Variants in ANKRD12 observed in about 807,000 individuals in gnomAD.
ANKRD12 encodes the protein ankyrin repeat domain 12, also known as ankyrin repeat domain-containing protein 12.
A neutral mutation model predicts 183.4 loss-of-function variants in ANKRD12; 85 were observed. That is an observed-to-expected ratio of 0.46 (90% CI 0.39 to 0.56). The LOEUF is 0.56. ANKRD12 is among the 20% of genes least tolerant of loss of function. The pLI, the probability that ANKRD12 is intolerant of heterozygous loss-of-function variation, is 0.00. For missense variants in ANKRD12, 2,405 were observed against 2,357.1 expected (o/e 1.02, Z -0.42); for synonymous variants, 914 against 800.2 (o/e 1.14, Z -2.40).
chr18:9,144,587 T>C (rs1207192307), intron 1 of ANKRD12, among the ~76,000 whole-genome samples: 2 of 152,198 alleles, frequency 1.3e-5, no homozygotes, highest in Non-Finnish European at 2.9e-5. Context: ...CATTATGAAG[T>C]GCTAATAGAC....
chr18:9,208,886 T>C, intron 5 of ANKRD12, 83 bp downstream of exon 5: 1 of 1,260,314 alleles, frequency 7.9e-7, no homozygotes, highest in Non-Finnish European at 1.1e-6. Flanking sequence ...TTATTTTAAC[T>C]ACTTTTAATT....
At chr18:9,217,830 T>C (rs1423216775) in intron 7 of ANKRD12, among the ~76,000 whole-genome samples, 1 of 152,198 alleles carries the variant, frequency 6.6e-6, no homozygotes, top group Non-Finnish European at 1.5e-5. Context: ...TTTTCTGTTA[T>C]TTACTCTGGA....
At chr18:9,271,018 T>G (rs1002253743) in intron 10 of ANKRD12, among the ~76,000 whole-genome samples, 11 of 152,272 alleles carry the variant, frequency 7.2e-5, no homozygotes, top group Non-Finnish European at 1.3e-4. Flanking sequence ...CATAGAAGTA[T>G]CTCTACGCAG....
Position 9,256,233 on chromosome 18 carries a change from G to A in ANKRD12, c.2966G>A (p.Gly989Asp), listed in dbSNP as rs755422518. 1.3e-6 allele frequency: 2 copies of A among 1,599,590 alleles called. No homozygotes were observed. Among genetic ancestry groups the A allele is most frequent in the East Asian group, 4.5e-5 (2 of 44,570 alleles). Residue 989 changes from glycine (G) to aspartate (D), a missense_variant, in exon 9 of 13, where the codon GGT becomes GAT. Gly to Asp is a moderately conservative substitution (Grantham distance 94). Transcript: ENST00000262126. ...GAAAAAAAATCAAGTATAGTAGACG[G>A]TAATAAAGCACAACATGAAAAACCC... ...QEEKKSSIVD[G>D]NKAQHEKPLS...
chr18:9,137,678 TTC>T (rs1426163529), intron 1 of ANKRD12: 1 of 152,230 alleles, frequency 6.6e-6, no homozygotes, highest in Non-Finnish European at 1.5e-5. Context: ...CACTCTACAG[TTC>T]TGTCTTAAAT....
At chr18:9,168,299 A>T (rs1598436380) in intron 1 of ANKRD12, among the ~76,000 whole-genome samples, 1 of 152,170 alleles carries the variant, frequency 6.6e-6, no homozygotes, top group South Asian at 2.1e-4. Context: ...GATTGGTATC[A>T]GCTCCTCCTT....
At position 9,256,163 on chromosome 18, in the gene ANKRD12, G is replaced by A; in HGVS notation, c.2896G>A (p.Asp966Asn). ...RELDKKEKSRDKESINITNSK... is the reference protein window; with the variant it reads ...RELDKKEKSRNKESINITNSK... ...GCTAGATAAAAAGGAAAAATCTAGAGATAAAGAAAGTATAAATATAACTAA... is the reference window on the plus strand; with the variant it reads ...GCTAGATAAAAAGGAAAAATCTAGAAATAAAGAAAGTATAAATATAACTAA... The change falls in exon 9 of 13, where the codon GAT (aspartate) becomes AAT (asparagine). Residue 966 changes from aspartate (D) to asparagine (N), a missense_variant. Transcript: ENST00000262126. 1 of 1,558,858 alleles carries A rather than the reference G, an allele frequency of 6.4e-7. No individual in the cohort carries two copies. Among genetic ancestry groups the A allele is most frequent in the Non-Finnish European group, 8.6e-7 (1 of 1,162,690 alleles).
At chr18:9,263,339 A>ATTAAATGTAACACTCAGGACTT in intron 9 of ANKRD12, among the ~76,000 whole-genome samples, 1 of 152,358 alleles carries the variant, frequency 6.6e-6, no homozygotes, top group South Asian at 2.1e-4. Context: ...TTATAAAAGA[A>ATTAAATGTAACACTCAGGACTT]TTAAATGTAA....
rs186053977 is a variant in ANKRD12, at chr18:9,203,028, A to G, written c.236-1448A>G. ...TGCTTTCAATAATTCATTTAATCCAATTGGCACAATTTAATGTTTGCTGGT... is the reference window on the plus strand; with the variant it reads ...TGCTTTCAATAATTCATTTAATCCAGTTGGCACAATTTAATGTTTGCTGGT... On this transcript the variant is annotated intron_variant, in intron 3 of 12. Coordinates refer to ENST00000262126, the MANE Select transcript of ANKRD12 (RefSeq NM_015208.5). Among the ~76,000 whole-genome samples, 214 of 152,334 alleles carry G rather than the reference A, an allele frequency of 1.4e-3. 2 individuals carry two copies. Among genetic ancestry groups the G allele is most frequent in the African/African-American group, 4.9e-3 (202 of 41,574 alleles).
chr18:9,185,644 G>C (rs768894350), intron 2 of ANKRD12, among the ~76,000 whole-genome samples: 4 of 152,194 alleles, frequency 2.6e-5, no homozygotes, highest in Non-Finnish European at 5.9e-5. Context: ...AGAAAGTATG[G>C]AGAAGAGTGT....
intron 11 of ANKRD12, among the ~76,000 whole-genome samples, chr18:9,276,779 C>T (rs1175853537): frequency 6.6e-6 from 1 of 151,994 alleles, no homozygotes; most frequent in Non-Finnish European, 1.5e-5. Context: ...TCAGAGATAT[C>T]TGAGGATGCT....
chr18:9,279,715 G>T, intron 12 of ANKRD12, 71 bp downstream of exon 12: 1 of 842,286 alleles, frequency 1.2e-6, no homozygotes. Flanking sequence ...CTCTACAGCT[G>T]TATTAGGGAG....
At chr18:9,157,280 T>C (rs2030626792) in intron 1 of ANKRD12, among the ~76,000 whole-genome samples, 1 of 152,118 alleles carries the variant, frequency 6.6e-6, no homozygotes, top group South Asian at 2.1e-4. Flanking sequence ...ATGAAGCCTA[T>C]TTTATAATAA....
In ANKRD12 at chr18:9,211,738, A is replaced by G; in HGVS notation, c.606A>G (p.Lys202=). ...AAIRGDVKQV[K]ELISLGANVN... The stretch of plus-strand genomic sequence containing the variant: ...TTCGAGGAGATGTGAAACAAGTTAA[A>G]GAATTAATAAGTTTAGGGGCAAATG... The change falls in exon 6 of 13, where the codon AAA becomes AAG. Residue 202 remains lysine (K), a synonymous_variant. Transcript: ENST00000262126. 6.2e-7 allele frequency: 1 copy of G among 1,613,780 alleles called. No homozygotes were observed. The highest frequency in any genetic ancestry group is 8.5e-7 in the Non-Finnish European group (1 of 1,179,798).
intron 8 of ANKRD12, chr18:9,249,532 C>T (rs886294907): frequency 2.0e-5 from 3 of 152,196 alleles, no homozygotes; most frequent in African/African-American, 7.2e-5. Flanking sequence ...TTCCAAACCA[C>T]TTCAAATAAA....
Position 9,281,161 on chromosome 18 carries a change from G to A in ANKRD12, c.*35G>A. Reference sequence around the variant, plus strand: ...CTTCCTGATGGTATTGTCCTAAACTGGTGATGCTCAAGCATTATACTGTGG... The same window carrying A: ...CTTCCTGATGGTATTGTCCTAAACTAGTGATGCTCAAGCATTATACTGTGG... On this transcript the variant is annotated 3_prime_UTR_variant, in exon 13 of 13. Transcript: ENST00000262126. 2 of 1,561,424 alleles carry A rather than the reference G, an allele frequency of 1.3e-6. No individual in the cohort carries two copies. Among genetic ancestry groups the A allele is most frequent in the Non-Finnish European group, 1.7e-6 (2 of 1,144,500 alleles).
intron 9 of ANKRD12, among the ~76,000 whole-genome samples, chr18:9,261,731 C>CT (rs1006029663): frequency 2.6e-5 from 4 of 152,178 alleles, no homozygotes; most frequent in Non-Finnish European, 5.9e-5. Flanking sequence ...ATGCCATCCT[C>CT]TTTTGGGAAT....
intron 4 of ANKRD12, among the ~76,000 whole-genome samples, chr18:9,205,308 TA>T (rs2035420471): frequency 8.2e-6 from 1 of 122,048 alleles, no homozygotes; most frequent in Admixed American, 9.3e-5. Context: ...TCTCTGAGCT[TA>T]AATAAAAATA....
At chr18:9,271,825 T>C (rs79090267) in intron 10 of ANKRD12, among the ~76,000 whole-genome samples, 1,576 of 152,314 alleles carry the variant, frequency 0.01, 22 homozygotes, top group African/African-American at 0.036. Context: ...AAATGCCAGT[T>C]GGAAGTTAGT....
Sources: gnomAD v4.1 joint callset for allele counts (sites outside exome capture counted in the v4.1 genomes callset) on GRCh38, gnomAD v4.1.1 for gene constraint, MANE v1.5 for transcripts, NCBI Gene and HGNC (gene_info 2026-07-23, HGNC 2026-07-21) for gene names.